The following CHD7 variants were observed in gnomAD, a reference collection of about 807,000 sequenced individuals.
The protein encoded by CHD7 is chromodomain helicase DNA binding protein 7.
CHD7 carries 24 observed loss-of-function variants against 307.3 expected under a neutral mutation model. That is an observed-to-expected ratio of 0.08 (90% confidence interval 0.06 to 0.11). CHD7 has a LOEUF of 0.11. Ranked by LOEUF, CHD7 falls within the 10% of genes least tolerant of loss-of-function variation. CHD7 has a pLI of 1.00. For synonymous variants in CHD7, 1,363 were observed against 1,349.9 expected, an observed-to-expected ratio of 1.01 and a Z score of -0.21; for missense variants, 3,106 against 3,727.1, an observed-to-expected ratio of 0.83 and a Z score of 4.34.
intron 1 of CHD7, among the ~76,000 whole-genome samples, chr8:60,728,202 A>T (rs2150556504): frequency 6.6e-6 from 1 of 152,370 alleles, no homozygotes; most frequent in East Asian, 1.9e-4. Flanking sequence ...TGGAGGGTCT[A>T]CTCTGAAAGC....
At chr8:60,850,301 T>C (rs1329016560) in intron 25 of CHD7, among the ~76,000 whole-genome samples, 192 bp from the exon 26 acceptor site, 2 of 152,236 alleles carry the variant, frequency 1.3e-5, no homozygotes, top group African/African-American at 4.8e-5. Flanking sequence ...AAGTGTAACT[T>C]GGCTCCCAGT....
chr8:60,702,227 T>C (rs985627249), intron 1 of CHD7, among the ~76,000 whole-genome samples: 3 of 152,220 alleles, frequency 2.0e-5, no homozygotes, highest in African/African-American at 7.2e-5. Flanking sequence ...AGCGCAGTGC[T>C]CTTTCCACAG....
chr8:60,716,217 C>G (rs749153282), intron 1 of CHD7, among the ~76,000 whole-genome samples: 1 of 152,230 alleles, frequency 6.6e-6, no homozygotes, highest in Non-Finnish European at 1.5e-5. Context: ...TCCCCTACTG[C>G]TCTCCCTGCT....
intron 2 of CHD7, among the ~76,000 whole-genome samples, chr8:60,774,971 C>G (rs954865307): frequency 6.6e-6 from 1 of 152,054 alleles, no homozygotes; most frequent in Non-Finnish European, 1.5e-5. Flanking sequence ...AACAGTAAAT[C>G]TAACATGACT....
At chr8:60,694,225 T>C (rs1446492854) in intron 1 of CHD7, among the ~76,000 whole-genome samples, 1 of 152,242 alleles carries the variant, frequency 6.6e-6, no homozygotes, top group Non-Finnish European at 1.5e-5. Flanking sequence ...TTATTAACTT[T>C]TTTCAAAGAT....
At chr8:60,795,919 G>A (rs951063768) in intron 4 of CHD7, among the ~76,000 whole-genome samples, 2 of 152,178 alleles carry the variant, frequency 1.3e-5, no homozygotes, top group Admixed American at 1.3e-4. Flanking sequence ...TTACTGAAGA[G>A]TTGTCCTGGA....
chr8:60,859,337 A>G (rs563855208), intron 34 of CHD7, among the ~76,000 whole-genome samples: 1 of 152,244 alleles, frequency 6.6e-6, no homozygotes, highest in Non-Finnish European at 1.5e-5. Context: ...TCAGCACTCT[A>G]ACTGTGCTGC....
At chr8:60,780,261 G>A (rs1453641537) in intron 2 of CHD7, among the ~76,000 whole-genome samples, 1 of 152,138 alleles carries the variant, frequency 6.6e-6, no homozygotes, top group Admixed American at 6.5e-5. Context: ...GTCTCTGGGT[G>A]TATCCCTAGT....
intron 1 of CHD7, among the ~76,000 whole-genome samples, chr8:60,729,297 T>C (rs1243795564): frequency 6.6e-6 from 1 of 152,214 alleles, no homozygotes; most frequent in Non-Finnish European, 1.5e-5. Context: ...GAGTGAGATA[T>C]GTGGTCTGTC....
At chr8:60,848,707 C>A in intron 24 of CHD7, 103 bp downstream of exon 24, 3 of 888,296 alleles carry the variant, frequency 3.4e-6, no homozygotes, top group Non-Finnish European at 5.5e-6. Flanking sequence ...CACTAGTAAC[C>A]CATCTCCTTT....
In CHD7 at chr8:60,856,533, G is replaced by A. The variant is rs761410781; in HGVS notation, c.7253G>A (p.Arg2418Gln). Residue 2418 changes from arginine (R) to glutamine (Q), a missense_variant, in exon 34 of 38, where the codon CGA (arginine) becomes CAA (glutamine). Coordinates refer to ENST00000423902, the MANE Select transcript of CHD7 (RefSeq NM_017780.4). ...EIEAERAAKR[R>Q]NLMEMVAQLR... ...GAGGCCGAAAGAGCTGCCAAGAGGC[G>A]AAATCTCATGGAGATGGTTGCCCAG... 5.1e-5 allele frequency: 83 copies of A among 1,613,870 alleles called. 1 individual carries two copies. The highest frequency in any genetic ancestry group is 3.3e-4 in the Middle Eastern group (2 of 6,084).
At chr8:60,763,364 CAGT>C (rs1810314387) in intron 2 of CHD7, among the ~76,000 whole-genome samples, 1 of 152,110 alleles carries the variant, frequency 6.6e-6, no homozygotes, top group South Asian at 2.1e-4. Context: ...TCCAGGTACT[CAGT>C]AGCCACACAT....
Position 60,845,533 on chromosome 8 carries a change from C to A in CHD7, c.5210+124C>A, listed in dbSNP as rs1338053241. The A allele has an allele frequency of 5.8e-6, 6 of 1,042,308 alleles. No individual in the cohort carries two copies. In the African/African-American group the frequency reaches 9.6e-5, roughly 17 times the overall value. The allele number at this position is 1,042,308 out of a possible 1,614,324, so 64.6% of individuals were successfully genotyped here. ...CAGATTTGGAGGGTCAACTGAGGGACCTGAGCATCTGCGGATCTTGGTGTC... is the reference window on the plus strand; with the variant it reads ...CAGATTTGGAGGGTCAACTGAGGGAACTGAGCATCTGCGGATCTTGGTGTC... On this transcript the variant is annotated intron_variant, in intron 23 of 37. Coordinates refer to ENST00000423902, the MANE Select transcript of CHD7 (RefSeq NM_017780.4).
intron 2 of CHD7, among the ~76,000 whole-genome samples, chr8:60,753,818 T>C (rs1809759414): frequency 6.6e-6 from 1 of 151,636 alleles, no homozygotes; most frequent in Non-Finnish European, 1.5e-5. Flanking sequence ...AGAGACGGGG[T>C]TTCACCATGT....
At position 60,856,790 on chromosome 8, in the gene CHD7, G is replaced by C. The variant is rs775511111; in HGVS notation, c.7510G>C (p.Asp2504His). ...GCATCTCCTTAATGGCTCCCTAGTGGATGGAGAGCCTCCCATGAAGAGGAG... is the reference window on the plus strand; with the variant it reads ...GCATCTCCTTAATGGCTCCCTAGTGCATGGAGAGCCTCCCATGAAGAGGAG... The part of the protein sequence containing the change: ...TRHLLNGSLV[D>H]GEPPMKRRRG... The change falls in exon 34 of 38, where the codon GAT becomes CAT. Residue 2504 changes from aspartate (D) to histidine (H), a missense_variant. Transcript: ENST00000423902. 6.2e-7 allele frequency: 1 copy of C among 1,610,602 alleles called. No individual in the cohort carries two copies. The highest frequency in any genetic ancestry group is 8.5e-7 in the Non-Finnish European group (1 of 1,177,786).
At chr8:60,680,414 G>GGGCGGCGGC (rs1220843543) in intron 1 of CHD7, among the ~76,000 whole-genome samples, 1 of 116,504 alleles carries the variant, frequency 8.6e-6, no homozygotes, top group Non-Finnish European at 1.7e-5. Flanking sequence ...GGGGGGGCGG[G>GGGCGGCGGC]GGCGGCGGCG....
At chr8:60,713,745 T>G (rs1446932564) in intron 1 of CHD7, among the ~76,000 whole-genome samples, 1 of 152,026 alleles carries the variant, frequency 6.6e-6, no homozygotes, top group East Asian at 1.9e-4. Flanking sequence ...CAGCACAGAT[T>G]CCAGGAGAAG....
At chr8:60,806,302 G>T (rs775666403) in intron 6 of CHD7, among the ~76,000 whole-genome samples, 2 of 152,124 alleles carry the variant, frequency 1.3e-5, no homozygotes, top group Admixed American at 6.5e-5. Flanking sequence ...GGCAGAGCTT[G>T]CAGTGAGCCG....
At chr8:60,801,304 G>A (rs997310792) in intron 5 of CHD7, among the ~76,000 whole-genome samples, 15 of 152,154 alleles carry the variant, frequency 9.9e-5, no homozygotes, top group East Asian at 1.9e-4. Context: ...GCTGGTCCAC[G>A]TAATTAAACC....
Sources: allele counts gnomAD v4.1 joint callset (sites outside exome capture counted in the v4.1 genomes callset), GRCh38; gene constraint gnomAD v4.1.1; transcripts MANE v1.5; gene names NCBI Gene and HGNC (gene_info 2026-07-23, HGNC 2026-07-21).